CYRIA: variants seen among roughly 807,000 people sequenced by gnomAD.
CYRIA encodes the protein CYFIP-related Rac1 interactor A.
Under a neutral mutation model 43.9 loss-of-function variants are expected in CYRIA, and 15 were observed. The observed-to-expected ratio is 0.34, with a 90% CI of 0.23 to 0.53. The LOEUF (loss-of-function observed/expected upper bound fraction) is 0.53, where lower values mean the gene tolerates loss of function less well. Ranked by LOEUF, CYRIA falls within the 20% of genes least tolerant of loss-of-function variation. The pLI, the probability that CYRIA is intolerant of heterozygous loss-of-function variation, is 0.94. For synonymous variants in CYRIA, 117 were observed against 136.0 expected, an observed-to-expected ratio of 0.86 and a Z score of 0.97; for missense variants, 236 against 394.2, an observed-to-expected ratio of 0.60 and a Z score of 3.40.
intron 5 of CYRIA, among the ~76,000 whole-genome samples, chr2:16,562,952 G>A (rs563012777): frequency 1.2e-4 from 18 of 152,254 alleles, no homozygotes; most frequent in African/African-American, 4.3e-4. Flanking sequence ...TTATGATTTG[G>A]CCCTTTACAG....
At chr2:16,569,215 G>C (rs1667047118) in intron 3 of CYRIA, among the ~76,000 whole-genome samples, 1 of 152,114 alleles carries the variant, frequency 6.6e-6, no homozygotes, top group Non-Finnish European at 1.5e-5. Context: ...CAGGGGCTGT[G>C]GTAAACAAAT....
intron 1 of CYRIA, among the ~76,000 whole-genome samples, chr2:16,652,575 C>T (rs1230265643): frequency 2.0e-5 from 3 of 152,198 alleles, no homozygotes; most frequent in African/African-American, 7.2e-5. Context: ...GGAAAGGTCT[C>T]CAGAGATGAA....
chr2:16,592,680 T>C (rs1667969530), intron 2 of CYRIA, among the ~76,000 whole-genome samples: 1 of 152,132 alleles, frequency 6.6e-6, no homozygotes, highest in Non-Finnish European at 1.5e-5. Flanking sequence ...TATGATGTGT[T>C]GACTCAGCTC....
chr2:16,577,896 G>A (rs534974267), intron 3 of CYRIA, among the ~76,000 whole-genome samples: 8 of 152,334 alleles, frequency 5.3e-5, no homozygotes, highest in Admixed American at 4.6e-4. Flanking sequence ...CTATGACTGC[G>A]GGAGGGGAGG....
intron 3 of CYRIA, among the ~76,000 whole-genome samples, chr2:16,566,732 A>G (rs1290021154): frequency 6.6e-6 from 1 of 152,136 alleles, no homozygotes; most frequent in Non-Finnish European, 1.5e-5. Flanking sequence ...CGGAGCTAGC[A>G]TGTATTCTTG....
intron 2 of CYRIA, among the ~76,000 whole-genome samples, chr2:16,614,550 C>A (rs1668715853): frequency 6.6e-6 from 1 of 152,200 alleles, no homozygotes; most frequent in South Asian, 2.1e-4. Flanking sequence ...CTCTGGAGAG[C>A]CTGCAAGCCT....
chr2:16,656,307 C>T (rs1256082426), intron 1 of CYRIA, among the ~76,000 whole-genome samples: 2 of 152,070 alleles, frequency 1.3e-5, no homozygotes, highest in East Asian at 3.9e-4. Flanking sequence ...CACTCACAAG[C>T]CACACATAAA....
intron 1 of CYRIA, among the ~76,000 whole-genome samples, chr2:16,659,496 A>G (rs1670193703): frequency 6.6e-6 from 1 of 152,240 alleles, no homozygotes; most frequent in Non-Finnish European, 1.5e-5. Context: ...TAGGAACACA[A>G]GACTCAGGAG....
chr2:16,640,206 G>A (rs968114221), intron 1 of CYRIA, among the ~76,000 whole-genome samples: 16 of 152,200 alleles, frequency 1.1e-4, no homozygotes, highest in African/African-American at 3.6e-4. Context: ...TACCAATGCC[G>A]ACTAGATAGC....
At chr2:16,616,972 A>G (rs1025876378) in intron 2 of CYRIA, among the ~76,000 whole-genome samples, 2 of 152,230 alleles carry the variant, frequency 1.3e-5, no homozygotes, top group Non-Finnish European at 2.9e-5. Flanking sequence ...CAAGACCACA[A>G]TTAAAGCAAA....
intron 3 of CYRIA, among the ~76,000 whole-genome samples, chr2:16,575,909 A>ATAAATAGC (rs1667327965): frequency 6.6e-6 from 1 of 151,904 alleles, no homozygotes; most frequent in African/African-American, 2.4e-5. Context: ...AAATAAATAA[A>ATAAATAGC]GAGCAGTTCC....
chr2:16,556,019 A>C (rs1367692966), intron 10 of CYRIA, among the ~76,000 whole-genome samples: 3 of 152,172 alleles, frequency 2.0e-5, no homozygotes, highest in African/African-American at 7.2e-5. Flanking sequence ...TATATAGATC[A>C]CATTACATTA....
At chr2:16,648,680 G>A (rs940914132) in intron 1 of CYRIA, among the ~76,000 whole-genome samples, 1 of 152,094 alleles carries the variant, frequency 6.6e-6, no homozygotes, top group African/African-American at 2.4e-5. Flanking sequence ...TACTGTCTTG[G>A]GTTCCCAGAT....
rs138481124 is a variant in CYRIA, at chr2:16,583,705, A to C, written c.70+4345T>G. On this transcript the variant is annotated intron_variant, in intron 3 of 11. Transcript: ENST00000381323. ...CACTCGTGAAAGATTAGTTTGCTAC[A>C]TTAATCTTTCATTTCTCCCTGTCTC... Among the ~76,000 whole-genome samples the C allele has an allele frequency of 3.3e-5, 5 of 152,306 alleles. No homozygotes were observed. In the East Asian group the frequency reaches 9.7e-4, roughly 29 times the overall value.
At chr2:16,665,723 C>G (rs1466521689) in intron 1 of CYRIA, 57 bp downstream of exon 1, 3 of 148,078 alleles carry the variant, frequency 2.0e-5, no homozygotes, top group African/African-American at 7.3e-5. Context: ...GGCCGAGCCC[C>G]GCGCCCGCAG....
intron 1 of CYRIA, among the ~76,000 whole-genome samples, chr2:16,653,921 T>C (rs1337561891): frequency 1.3e-5 from 2 of 152,220 alleles, no homozygotes; most frequent in Non-Finnish European, 2.9e-5. Flanking sequence ...TGATGAGCCA[T>C]GAAACTGAAA....
chr2:16,615,012 C>A (rs1368127824), intron 2 of CYRIA, among the ~76,000 whole-genome samples: 1 of 152,218 alleles, frequency 6.6e-6, no homozygotes, highest in African/African-American at 2.4e-5. Flanking sequence ...GCCAGTAGTT[C>A]TTGTCCATAA....
rs1666281616 is a variant in CYRIA at position 16,550,819 on chromosome 2, A to C, written c.*2117T>G. ...TAATCTCCTCACTTGATAGAGGGGG[A>C]GAAATTGACCCAATGATGATAAATA... On this transcript the variant is annotated 3_prime_UTR_variant, in exon 12 of 12. Coordinates refer to ENST00000381323, the MANE Select transcript of CYRIA (RefSeq NM_030797.4). The C allele has an allele frequency of 6.6e-6, 1 of 151,932 alleles. No homozygotes were observed. Among genetic ancestry groups the C allele is most frequent in the Non-Finnish European group, 1.5e-5 (1 of 67,970 alleles). 9.4% of individuals were successfully genotyped at this position (151,932 alleles called of 1,614,324 possible).
At chr2:16,647,546 T>C (rs932854237) in intron 1 of CYRIA, among the ~76,000 whole-genome samples, 5 of 152,174 alleles carry the variant, frequency 3.3e-5, no homozygotes, top group African/African-American at 7.2e-5. Flanking sequence ...AAGTGCCAGT[T>C]TCCTTTCTCC....
Sources: allele counts gnomAD v4.1 joint callset (sites outside exome capture counted in the v4.1 genomes callset), GRCh38; gene constraint gnomAD v4.1.1; transcripts MANE v1.5; gene names NCBI Gene and HGNC (gene_info 2026-07-23, HGNC 2026-07-21).